STK3: variants seen among roughly 807,000 people sequenced by gnomAD.
STK3 encodes the protein serine/threonine-protein kinase 3.
In STK3, 41 loss-of-function variants were observed where a neutral mutation model predicts 58.0. The ratio of observed to expected loss-of-function variants is 0.71; its 90% CI spans 0.55 to 0.92. The LOEUF (loss-of-function observed/expected upper bound fraction) is 0.92, where lower values mean the gene tolerates loss of function less well. STK3 is among the 40% of genes least tolerant of loss of function. STK3 has a pLI of 0.00. For synonymous variants in STK3, 170 were observed against 191.0 expected (o/e 0.89, Z 0.91); for missense variants, 479 against 602.7 (o/e 0.79, Z 2.15).
At chr8:98,616,932 G>A (rs1817783994) in intron 6 of STK3, among the ~76,000 whole-genome samples, 1 of 152,018 alleles carries the variant, frequency 6.6e-6, no homozygotes, top group African/African-American at 2.4e-5. Flanking sequence ...GGATACCCAG[G>A]AATTTAACTC....
chr8:98,446,264 T>C (rs550904278), intron 1 of STK3, among the ~76,000 whole-genome samples: 2 of 152,320 alleles, frequency 1.3e-5, no homozygotes, highest in Non-Finnish European at 2.9e-5. Context: ...TGACCACACG[T>C]GGGTGTCCAT....
chr8:98,584,170 C>A (rs1586925682), intron 7 of STK3, among the ~76,000 whole-genome samples: 1 of 151,428 alleles, frequency 6.6e-6, no homozygotes, highest in Non-Finnish European at 1.5e-5. Context: ...CATATCTATA[C>A]ATGTGCCATG....
intron 6 of STK3, among the ~76,000 whole-genome samples, chr8:98,659,943 C>T (rs1204178114): frequency 6.6e-6 from 1 of 151,546 alleles, no homozygotes; most frequent in Non-Finnish European, 1.5e-5. Flanking sequence ...GTTTATGTCC[C>T]TAAATAAGCT....
intron 1 of STK3, among the ~76,000 whole-genome samples, chr8:98,778,232 C>G (rs1443998065): frequency 6.6e-6 from 1 of 152,202 alleles, no homozygotes; most frequent in South Asian, 2.1e-4. Context: ...TATGAACACA[C>G]ACTTCTCAAA....
chr8:98,850,353 G>C (rs1037389189), intron 3 of STK3, among the ~76,000 whole-genome samples: 1 of 152,154 alleles, frequency 6.6e-6, no homozygotes, highest in African/African-American at 2.4e-5. Flanking sequence ...AATGTTTACT[G>C]TGAGTCTCCT....
intron 6 of STK3, among the ~76,000 whole-genome samples, chr8:98,695,515 A>G (rs1824824805): frequency 6.6e-6 from 1 of 152,108 alleles, no homozygotes; most frequent in Non-Finnish European, 1.5e-5. Context: ...TCTTGAATTA[A>G]TTTTTGTATA....
intron 2 of STK3, among the ~76,000 whole-genome samples, chr8:98,768,312 C>T (rs191871661): frequency 2.0e-5 from 3 of 152,264 alleles, no homozygotes; most frequent in Admixed American, 2.0e-4. Context: ...CCATATTTTT[C>T]TACAGAAGAG....
At chr8:98,627,894 T>C (rs951270319) in intron 6 of STK3, among the ~76,000 whole-genome samples, 2 of 152,246 alleles carry the variant, frequency 1.3e-5, no homozygotes, top group African/African-American at 4.8e-5. Context: ...AATTTCATTT[T>C]TGTACATGTG....
chr8:98,781,663 A>T (rs556434648), intron 1 of STK3, among the ~76,000 whole-genome samples: 6 of 152,332 alleles, frequency 3.9e-5, no homozygotes, highest in African/African-American at 1.4e-4. Context: ...AGAGGAGCTT[A>T]AAAACTAACC....
intron 1 of STK3, among the ~76,000 whole-genome samples, chr8:98,942,146 G>A (rs1840457484): frequency 6.6e-6 from 1 of 152,244 alleles, no homozygotes; most frequent in African/African-American, 2.4e-5. Flanking sequence ...ACGCCGGCCG[G>A]GACGAGGGGC....
intron 1 of STK3, among the ~76,000 whole-genome samples, chr8:98,917,843 T>A (rs1026554784): frequency 6.6e-6 from 1 of 152,186 alleles, no homozygotes; most frequent in Non-Finnish European, 1.5e-5. Flanking sequence ...AAGGTTAGTG[T>A]CATGTCTTCT....
At chr8:98,415,257 T>C (rs1370053421) in intron 3 of STK3, among the ~76,000 whole-genome samples, 1 of 152,254 alleles carries the variant, frequency 6.6e-6, no homozygotes, top group Non-Finnish European at 1.5e-5. Flanking sequence ...TCCAGAATTA[T>C]GACGAATTTC....
Position 98,409,001 on chromosome 8 carries a change from G to A in STK3, n.484-7488C>T, listed in dbSNP as rs143355751. On this transcript the variant is annotated intron_variant and non_coding_transcript_variant, in intron 3 of 3. Coordinates refer to the STK3 transcript ENST00000517832. ...TTCTACTGTATCTGTGATTCTGCTC[G>A]CCTTGTTGAAACCCCATGAACACCC... Among the ~76,000 whole-genome samples, 11 of 152,160 alleles carry A rather than the reference G, an allele frequency of 7.2e-5. No individual in the cohort carries two copies. In the East Asian group the frequency reaches 1.4e-3, roughly 19 times the overall value.
chr8:98,542,355 C>T (rs975431969), intron 9 of STK3, among the ~76,000 whole-genome samples: 3 of 152,180 alleles, frequency 2.0e-5, no homozygotes, highest in African/African-American at 7.2e-5. Context: ...ATCAAACACA[C>T]TCTCGGTCAG....
chr8:98,387,366 C>T (rs987407250), intron 1 of STK3, among the ~76,000 whole-genome samples: 1 of 152,178 alleles, frequency 6.6e-6, no homozygotes, highest in Non-Finnish European at 1.5e-5. Flanking sequence ...GTAAAAGCCA[C>T]GTCATTTTAA....
intron 6 of STK3, among the ~76,000 whole-genome samples, chr8:98,614,996 C>G (rs181198287): frequency 6.6e-6 from 1 of 152,208 alleles, no homozygotes; most frequent in Admixed American, 6.5e-5. Context: ...GTAAGCTCCA[C>G]GTCTAGGGGC....
At chr8:98,795,097 AAAAAAAATATAT>A (rs1307520148) in intron 1 of STK3, among the ~76,000 whole-genome samples, 947 of 61,384 alleles carry the variant, frequency 0.015, 2 homozygotes, top group Non-Finnish European at 0.021. Flanking sequence ...AAAAAAAAAA[AAAAAAAATATAT>A]ATATATATAT....
intron 3 of STK3, among the ~76,000 whole-genome samples, chr8:98,860,460 A>G (rs1351968258): frequency 6.6e-6 from 1 of 152,190 alleles, no homozygotes; most frequent in East Asian, 1.9e-4. Context: ...AAATCAGAAG[A>G]AAGACCAGTT....
exon 3 of STK3, chr8:98,371,431 A>G (rs1186049080): frequency 1.3e-5 from 2 of 152,214 alleles, no homozygotes; most frequent in Admixed American, 1.3e-4. Flanking sequence ...TAATACTCCT[A>G]AGGTTAACTA....
Sources: allele counts gnomAD v4.1 joint callset (sites outside exome capture counted in the v4.1 genomes callset), GRCh38; gene constraint gnomAD v4.1.1; transcripts MANE v1.5; gene names NCBI Gene and HGNC (gene_info 2026-07-23, HGNC 2026-07-21).